Variants in SMURF1 observed in about 807,000 individuals in gnomAD.
SMURF1 encodes E3 ubiquitin-protein ligase SMURF1.
In SMURF1, 44 loss-of-function variants were observed where a neutral mutation model predicts 98.0. The ratio of observed to expected loss-of-function variants is 0.45; its 90% CI spans 0.35 to 0.58. The LOEUF is 0.58. Among genes scored for constraint, SMURF1 ranks in the 20% least tolerant of loss-of-function variants. The pLI, the probability that SMURF1 is intolerant of heterozygous loss-of-function variation, is 0.00. For missense variants in SMURF1, 687 were observed against 938.4 expected (o/e 0.73, Z 3.50); for synonymous variants, 396 against 374.9 (o/e 1.06, Z -0.65).
Position 99,057,086 on chromosome 7 carries a change from G to A in SMURF1, c.403+119C>T, listed in dbSNP as rs1338508049. 13 of 944,664 alleles carry A rather than the reference G, an allele frequency of 1.4e-5. No individual in the cohort carries two copies. The East Asian group carries it at 2.4e-4, about 18-fold the overall frequency. 58.5% of individuals were successfully genotyped at this position (944,664 alleles called of 1,614,324 possible). On this transcript the variant is annotated intron_variant, in intron 5 of 17. Transcript: ENST00000361368. ...TAGTACTGAAGAGAAGGCCCCGTACGTGGTCTGTCCTCTGAGGCCCGTCAG... is the reference window on the plus strand; with the variant it reads ...TAGTACTGAAGAGAAGGCCCCGTACATGGTCTGTCCTCTGAGGCCCGTCAG...
At chr7:99,035,891 A>G (rs1004193222) in intron 15 of SMURF1, 175 bp from the exon 16 acceptor site, 3 of 652,756 alleles carry the variant, frequency 4.6e-6, no homozygotes, top group South Asian at 3.8e-5. Context: ...CCTGTGGCAC[A>G]TGCTTCCGTC....
intron 1 of SMURF1, among the ~76,000 whole-genome samples, chr7:99,130,886 AG>A (rs1251012037): frequency 4.6e-5 from 7 of 152,216 alleles, no homozygotes; most frequent in Admixed American, 3.9e-4. Context: ...TCCCAGCCAC[AG>A]CGGTTGGTTC....
chr7:99,134,655 TGACTATA>T (rs1198777803), intron 1 of SMURF1, among the ~76,000 whole-genome samples: 2 of 152,204 alleles, frequency 1.3e-5, no homozygotes, highest in East Asian at 3.8e-4. Flanking sequence ...GCAAACACAT[TGACTATA>T]AATACTTGGA....
rs530038177 is a variant in SMURF1 at position 99,031,742 on chromosome 7, G to A, written c.2097-1059C>T. On this transcript the variant is annotated intron_variant, in intron 17 of 17. Coordinates refer to ENST00000361368, the MANE Select transcript of SMURF1 (RefSeq NM_181349.3). ...GGTGTGGAAAACCAAGTTAGAATAT[G>A]AAGTCACTTGCCCCAAATCACATGT... 4.6e-5 allele frequency among the ~76,000 whole-genome samples: 7 copies of A among 152,306 alleles called. No individual in the cohort carries two copies. In the South Asian group the frequency reaches 1.2e-3, roughly 27 times the overall value.
At chr7:99,107,026 T>C (rs1797207787) in intron 1 of SMURF1, among the ~76,000 whole-genome samples, 4 of 152,244 alleles carry the variant, frequency 2.6e-5, no homozygotes, top group Admixed American at 2.6e-4. Context: ...GATTCTGTGA[T>C]GTTTTTGGTA....
At chr7:99,056,136 G>A (rs911792600) in intron 5 of SMURF1, among the ~76,000 whole-genome samples, 8 of 152,148 alleles carry the variant, frequency 5.3e-5, no homozygotes, top group African/African-American at 4.8e-5. Flanking sequence ...GAAATTACAC[G>A]CAGGAAAGCA....
Position 99,123,047 on chromosome 7 carries a change from G to T in SMURF1, c.55+20679C>A, listed in dbSNP as rs114914923. 5.1e-3 allele frequency among the ~76,000 whole-genome samples: 767 copies of T among 151,398 alleles called. 4 individuals carry two copies. Among genetic ancestry groups the T allele is most frequent in the African/African-American group, 0.017 (708 of 41,304 alleles). ...AGGACAGAGCCAAACAGAAACACAG[G>T]ACAGGGCTAGCGTAAACCGAGAATT... is the stretch of plus-strand genomic sequence containing the variant. On this transcript the variant is annotated intron_variant, in intron 1 of 17. Coordinates refer to ENST00000361368, the MANE Select transcript of SMURF1 (RefSeq NM_181349.3).
intron 1 of SMURF1, among the ~76,000 whole-genome samples, chr7:99,063,293 AT>A (rs1796108587): frequency 7.1e-5 from 2 of 28,126 alleles, no homozygotes; most frequent in African/African-American, 1.7e-4. Context: ...ATATATATAT[AT>A]ATATATATAT....
At chr7:99,143,479 G>C (rs550857622) in intron 1 of SMURF1, among the ~76,000 whole-genome samples, 12 of 142,216 alleles carry the variant, frequency 8.4e-5, no homozygotes, top group African/African-American at 2.6e-4. Flanking sequence ...GAGATGCGAG[G>C]GGGCAGGTGC....
Position 99,091,883 on chromosome 7 carries a change from C to T in SMURF1, c.56-30046G>A, listed in dbSNP as rs143628283. Among the ~76,000 whole-genome samples the T allele has an allele frequency of 6.7e-4, 102 of 152,224 alleles. No individual in the cohort carries two copies. In the East Asian group the frequency reaches 0.018, roughly 27 times the overall value. On this transcript the variant is annotated intron_variant, in intron 1 of 17. Coordinates refer to ENST00000361368, the MANE Select transcript of SMURF1 (RefSeq NM_181349.3). ...CTTTTGCACCAGCCTAATATCAATCCCAACTTCATCATCTGGGACCTGAAG... is the reference window on the plus strand; with the variant it reads ...CTTTTGCACCAGCCTAATATCAATCTCAACTTCATCATCTGGGACCTGAAG...
chr7:99,074,794 A>G (rs1360652319), intron 1 of SMURF1, among the ~76,000 whole-genome samples: 8 of 152,186 alleles, frequency 5.3e-5, no homozygotes, highest in Admixed American at 5.2e-4. Context: ...CTGGGAAGCC[A>G]AGGTGGGAGG....
At chr7:99,133,895 C>G (rs1797928133) in intron 1 of SMURF1, among the ~76,000 whole-genome samples, 1 of 152,022 alleles carries the variant, frequency 6.6e-6, no homozygotes, top group African/African-American at 2.4e-5. Context: ...CAAAAGAAAC[C>G]AGTTGCATGC....
intron 1 of SMURF1, among the ~76,000 whole-genome samples, chr7:99,087,124 C>T (rs902866767): frequency 3.9e-5 from 6 of 151,960 alleles, no homozygotes; most frequent in African/African-American, 1.5e-4. Context: ...AATCCCAAAA[C>T]TTTGGGAGGT....
intron 1 of SMURF1, among the ~76,000 whole-genome samples, chr7:99,080,576 G>C (rs1460291229): frequency 1.3e-5 from 2 of 152,166 alleles, no homozygotes; most frequent in Non-Finnish European, 2.9e-5. Context: ...TGGGATTACA[G>C]GCGTGAGCCA....
At chr7:99,035,916 G>C (rs759584490) in intron 15 of SMURF1, 200 bp from the exon 16 acceptor site, 4 of 601,834 alleles carry the variant, frequency 6.6e-6, no homozygotes, top group Non-Finnish European at 1.2e-5. Flanking sequence ...TCCTCCAAAC[G>C]GGTCTCCAAC....
Position 99,030,646 on chromosome 7 carries a change from C to T in SMURF1, c.2134G>A (p.Glu712Lys), listed in dbSNP as rs1017380590. ...RIDIPPYESYEKLYEKLLTAV... is the reference protein window; with the variant it reads ...RIDIPPYESYKKLYEKLLTAV... ...GTCAGCAGCTTCTCGTAGAGCTTCTCATAGGACTCATATGGTGGAATGTCG... is the reference window on the plus strand; with the variant it reads ...GTCAGCAGCTTCTCGTAGAGCTTCTTATAGGACTCATATGGTGGAATGTCG... The change falls in exon 18 of 18, where the codon GAG (glutamate) becomes AAG (lysine). Residue 712 changes from glutamate to lysine, a missense_variant. Glu to Lys is a moderately conservative substitution (Grantham distance 56, BLOSUM62 1). This residue lies in a region of SMURF1 where 272 missense variants were observed against 430.0 expected (regional missense o/e 0.63). Coordinates refer to ENST00000361368, the MANE Select transcript of SMURF1 (RefSeq NM_181349.3). The T allele has an allele frequency of 2.5e-6, 4 of 1,614,016 alleles. No individual in the cohort carries two copies. Among genetic ancestry groups the T allele is most frequent in the African/African-American group, 2.7e-5 (2 of 74,910 alleles).
At chr7:99,059,084 A>G (rs1265162295) in intron 3 of SMURF1, among the ~76,000 whole-genome samples, 1 of 151,324 alleles carries the variant, frequency 6.6e-6, no homozygotes, top group African/African-American at 2.4e-5. Context: ...ACTCTGTTTG[A>G]AAAAAAAATT....
intron 5 of SMURF1, among the ~76,000 whole-genome samples, chr7:99,055,201 C>T (rs1201511887): frequency 6.6e-6 from 1 of 152,114 alleles, no homozygotes; most frequent in East Asian, 1.9e-4. Context: ...GGCACGGTGG[C>T]TCATGCCTGT....
intron 4 of SMURF1, 28 bp from the exon 5 acceptor site, chr7:99,057,298 C>T: frequency 1.1e-5 from 18 of 1,613,992 alleles, no homozygotes; most frequent in Non-Finnish European, 1.5e-5. Context: ...AAAACTTAAC[C>T]CAAGGAACGT....
Sources: gnomAD v4.1 joint callset for allele counts (sites outside exome capture counted in the v4.1 genomes callset) on GRCh38, gnomAD v4.1.1 for gene constraint, gnomAD v4.1.1 regional missense constraint, MANE v1.5 for transcripts, NCBI Gene and HGNC (gene_info 2026-07-23, HGNC 2026-07-21) for gene names.